The following TNIK variants were observed in gnomAD, a reference collection of about 807,000 sequenced individuals.
TNIK encodes the protein TRAF2 and NCK interacting kinase.
In TNIK, 49 loss-of-function variants were observed where a neutral mutation model predicts 191.3. The observed-to-expected ratio is 0.26, with a 90% CI of 0.20 to 0.32. The LOEUF is 0.32. Among genes scored for constraint, TNIK ranks in the 10% least tolerant of loss-of-function variants. TNIK has a pLI of 1.00. For missense variants in TNIK, 1,155 were observed against 1,702.3 expected (o/e 0.68, Z 5.66); for synonymous variants, 594 against 600.9 (o/e 0.99, Z 0.17).
chr3:171,109,356 G>A (rs920034697), intron 19 of TNIK, among the ~76,000 whole-genome samples: 1 of 152,142 alleles, frequency 6.6e-6, no homozygotes, highest in Non-Finnish European at 1.5e-5. Flanking sequence ...TTTATATTTC[G>A]ATCAAGGCAA....
intron 2 of TNIK, among the ~76,000 whole-genome samples, chr3:171,356,000 C>T (rs568892692): frequency 6.6e-6 from 1 of 152,072 alleles, no homozygotes; most frequent in African/African-American, 2.4e-5. Flanking sequence ...TGGCCTTCCC[C>T]CTGCTTGGAA....
chr3:171,195,983 A>G lies in TNIK; in HGVS notation c.307-1348T>C, dbSNP rs368748247. Reference sequence around the variant, plus strand: ...GGATAATCTGAGCATAGATAAGAATAATAGCTGTAATGTGTAGAAACACTT... The same window carrying G: ...GGATAATCTGAGCATAGATAAGAATGATAGCTGTAATGTGTAGAAACACTT... On this transcript the variant is annotated intron_variant, in intron 4 of 32. Coordinates refer to ENST00000436636, the MANE Select transcript of TNIK (RefSeq NM_015028.4). Among the ~76,000 whole-genome samples the G allele has an allele frequency of 1.4e-4, 21 of 152,342 alleles. No homozygotes were observed. In the South Asian group the frequency reaches 3.9e-3, roughly 29 times the overall value.
At chr3:171,231,875 G>A (rs867407962) in intron 2 of TNIK, among the ~76,000 whole-genome samples, 13 of 152,014 alleles carry the variant, frequency 8.6e-5, no homozygotes, top group Non-Finnish European at 1.3e-4. Context: ...GCTAAACTTA[G>A]GACACTTTCT....
Position 171,282,334 on chromosome 3 carries a change from G to GTTTTTTTTTTTTTTTTTT in TNIK, c.124-54114_124-54113insAAAAAAAAAAAAAAAAAA, listed in dbSNP as rs201489240. ...GAACTATCTGCAGATTCTCTTAATG[G>GTTTTTTTTTTTTTTTTTT]TTTTTTGTTTTTTTTTTTTTTTTTG... On this transcript the variant is annotated intron_variant, in intron 2 of 32. Transcript: ENST00000436636. 6.5e-3 allele frequency among the ~76,000 whole-genome samples: 743 copies of GTTTTTTTTTTTTTTTTTT among 114,314 alleles called. 56 individuals are homozygous for GTTTTTTTTTTTTTTTTTT. Among genetic ancestry groups the GTTTTTTTTTTTTTTTTTT allele is most frequent in the African/African-American group, 9.9e-3 (284 of 28,832 alleles). The allele number at this position is 114,314 out of a possible 152,430, so 75.0% of individuals were successfully genotyped here.
At chr3:171,247,760 GAGCCAGTGCTACAGAAGA>G (rs1174721412) in intron 2 of TNIK, among the ~76,000 whole-genome samples, 1 of 152,242 alleles carries the variant, frequency 6.6e-6, no homozygotes, top group African/African-American at 2.4e-5. Context: ...GGTATGGTCA[GAGCCAGTGCTACAGAAGA>G]CCAAGTGAAA....
At chr3:171,233,743 C>T (rs182721740) in intron 2 of TNIK, among the ~76,000 whole-genome samples, 17 of 152,278 alleles carry the variant, frequency 1.1e-4, no homozygotes, top group Admixed American at 1.0e-3. Context: ...TAGTGCTTGG[C>T]ACAGCAGGCA....
chr3:171,099,388 T>TTTA lies in TNIK; in HGVS notation c.2591+2060_2591+2061insTAA, dbSNP rs369256171. 2.6e-3 allele frequency among the ~76,000 whole-genome samples: 393 copies of TTTA among 151,584 alleles called. 4 individuals carry two copies. Among genetic ancestry groups the TTTA allele is most frequent in the African/African-American group, 9.2e-3 (377 of 41,168 alleles). ...TATTACCTCAGGATTTTTTTTTTTT[T>TTTA]AATCTTGCTGACAGTTATTTGTATA... On this transcript the variant is annotated intron_variant, in intron 22 of 32. Transcript: ENST00000436636.
chr3:171,414,746 T>C (rs1177864395), intron 1 of TNIK, among the ~76,000 whole-genome samples: 1 of 152,256 alleles, frequency 6.6e-6, no homozygotes, highest in Admixed American at 6.5e-5. Flanking sequence ...TGTAACCCAC[T>C]GCTAATTTGT....
chr3:171,350,595 T>TTAAAA (rs1237168531), intron 2 of TNIK, among the ~76,000 whole-genome samples: 20 of 98,002 alleles, frequency 2.0e-4, no homozygotes, highest in African/African-American at 2.6e-4. Flanking sequence ...GCTCTGTTGC[T>TTAAAA]AAAAAAAAAA....
chr3:171,325,865 A>G (rs1036785674), intron 2 of TNIK, among the ~76,000 whole-genome samples: 19 of 152,238 alleles, frequency 1.2e-4, no homozygotes, highest in African/African-American at 4.6e-4. Flanking sequence ...CTCTTGAATG[A>G]AAAAGAGACA....
chr3:171,405,680 A>C (rs1488304187), intron 1 of TNIK, among the ~76,000 whole-genome samples: 1 of 152,230 alleles, frequency 6.6e-6, no homozygotes, highest in African/African-American at 2.4e-5. Context: ...CCAATGCATA[A>C]GACTGATAAT....
chr3:171,389,445 G>T (rs1719173498), intron 1 of TNIK, among the ~76,000 whole-genome samples: 1 of 152,100 alleles, frequency 6.6e-6, no homozygotes, highest in African/African-American at 2.4e-5. Flanking sequence ...GTACACTAAA[G>T]ATCTATGAAT....
At chr3:171,218,990 T>C (rs1268374103) in intron 3 of TNIK, among the ~76,000 whole-genome samples, 1 of 121,380 alleles carries the variant, frequency 8.2e-6, no homozygotes, top group African/African-American at 3.4e-5. Flanking sequence ...TATATTAAAT[T>C]ATTACATATT....
intron 3 of TNIK, among the ~76,000 whole-genome samples, chr3:171,211,515 GA>G (rs1454152667): frequency 6.6e-6 from 1 of 152,108 alleles, no homozygotes; most frequent in Non-Finnish European, 1.5e-5. Flanking sequence ...ACCTAGAAGA[GA>G]TCAAGGTAGA....
intron 2 of TNIK, among the ~76,000 whole-genome samples, chr3:171,329,949 G>GA: frequency 6.6e-6 from 1 of 152,288 alleles, no homozygotes; most frequent in South Asian, 2.1e-4. Flanking sequence ...GTACGACTTT[G>GA]AAAATCTGTG....
chr3:171,204,078 C>T (rs1374969101), intron 4 of TNIK, among the ~76,000 whole-genome samples: 1 of 152,122 alleles, frequency 6.6e-6, no homozygotes, highest in Non-Finnish European at 1.5e-5. Context: ...TCCCTCCCTC[C>T]CAGTGTCTGA....
intron 2 of TNIK, among the ~76,000 whole-genome samples, chr3:171,340,059 GATAC>G (rs1372238194): frequency 6.6e-6 from 1 of 152,138 alleles, no homozygotes; most frequent in African/African-American, 2.4e-5. Context: ...AAGGACAGTA[GATAC>G]ATACAATCTA....
chr3:171,298,196 G>C (rs10155049), intron 2 of TNIK, among the ~76,000 whole-genome samples: 65,536 of 152,064 alleles, frequency 0.43, 15,152 homozygotes, highest in Non-Finnish European at 0.51. Context: ...TGTACATGGA[G>C]CAACTGTAGT....
chr3:171,344,999 C>T (rs1560457301), intron 2 of TNIK, among the ~76,000 whole-genome samples: 1 of 152,132 alleles, frequency 6.6e-6, no homozygotes, highest in Non-Finnish European at 1.5e-5. Context: ...AATTGATGTT[C>T]CCTATCCTTT....
Sources: allele counts gnomAD v4.1 joint callset (sites outside exome capture counted in the v4.1 genomes callset), GRCh38; gene constraint gnomAD v4.1.1; transcripts MANE v1.5; gene names NCBI Gene and HGNC (gene_info 2026-07-23, HGNC 2026-07-21).